Variants in SNTG2 observed in about 807,000 individuals in gnomAD.
SNTG2 encodes the protein gamma-2-syntrophin.
SNTG2 carries 74 observed loss-of-function variants against 70.9 expected under a neutral mutation model. That is an observed-to-expected ratio of 1.04 (90% CI 0.86 to 1.27). The LOEUF (loss-of-function observed/expected upper bound fraction) is 1.27. SNTG2 is among the 50% of genes most tolerant of loss of function. SNTG2 has a pLI of 0.00. For missense variants in SNTG2, 717 were observed against 690.7 expected (o/e 1.04, Z -0.43); for synonymous variants, 278 against 273.8 (o/e 1.02, Z -0.15).
chr2:1,253,715 T>A (rs555345556), intron 12 of SNTG2, among the ~76,000 whole-genome samples: 9 of 152,218 alleles, frequency 5.9e-5, no homozygotes, highest in Admixed American at 4.6e-4. Context: ...CTGGGTAGTT[T>A]ATAAAGAAAA....
At chr2:1,101,824 G>A (rs1256079431) in intron 4 of SNTG2, among the ~76,000 whole-genome samples, 1 of 152,140 alleles carries the variant, frequency 6.6e-6, no homozygotes, top group Non-Finnish European at 1.5e-5. Flanking sequence ...TTATCCCCAG[G>A]TGATGAGAGG....
chr2:1,104,430 T>C (rs951980060), intron 4 of SNTG2, among the ~76,000 whole-genome samples: 11 of 152,218 alleles, frequency 7.2e-5, no homozygotes, highest in Admixed American at 2.0e-4. Context: ...GATACGAGAT[T>C]TGATTAATTC....
chr2:1,185,596 A>C (rs1672196253), intron 8 of SNTG2, among the ~76,000 whole-genome samples: 1 of 152,198 alleles, frequency 6.6e-6, no homozygotes, highest in Admixed American at 6.5e-5. Flanking sequence ...GGAAGTCACC[A>C]AGGATTACAA....
At chr2:1,172,954 G>T (rs974359007) in intron 7 of SNTG2, 138 bp from the exon 8 acceptor site, 2 of 714,656 alleles carry the variant, frequency 2.8e-6, no homozygotes, top group African/African-American at 1.8e-5. Flanking sequence ...CATTGGGGAT[G>T]ACCCAGCCCA....
intron 1 of SNTG2, among the ~76,000 whole-genome samples, chr2:1,005,029 A>G (rs1659523437): frequency 1.3e-5 from 2 of 152,182 alleles, no homozygotes; most frequent in Admixed American, 1.3e-4. Flanking sequence ...CTATCAAGCC[A>G]CAAAAAAATG....
intron 1 of SNTG2, among the ~76,000 whole-genome samples, chr2:1,062,519 G>T (rs1009101449): frequency 3.3e-5 from 5 of 152,174 alleles, no homozygotes; most frequent in Non-Finnish European, 5.9e-5. Context: ...TGGGAAAAAT[G>T]AAGTGGGGTT....
At chr2:1,318,859 G>A (rs536294830) in intron 16 of SNTG2, among the ~76,000 whole-genome samples, 9 of 152,160 alleles carry the variant, frequency 5.9e-5, no homozygotes, top group Non-Finnish European at 1.0e-4. Context: ...GGAGGTCTAC[G>A]GTGGCCATGA....
intron 1 of SNTG2, among the ~76,000 whole-genome samples, chr2:1,051,094 T>C (rs1662032030): frequency 6.7e-6 from 1 of 150,160 alleles, no homozygotes; most frequent in South Asian, 2.1e-4. Flanking sequence ...CTCAATAATA[T>C]CATCTATGAA....
At chr2:989,281 G>C (rs894538301) in intron 1 of SNTG2, among the ~76,000 whole-genome samples, 1 of 152,172 alleles carries the variant, frequency 6.6e-6, no homozygotes, top group African/African-American at 2.4e-5. Context: ...AGACAAGAGA[G>C]GGGAGTATCC....
chr2:1,089,138 G>A (rs1003589142), intron 2 of SNTG2, among the ~76,000 whole-genome samples: 16 of 152,168 alleles, frequency 1.1e-4, no homozygotes, highest in African/African-American at 2.4e-4. Context: ...AAATGCAGTC[G>A]TCAGCAAAAC....
chr2:1,257,264 A>G (rs1678172538), intron 12 of SNTG2, among the ~76,000 whole-genome samples: 1 of 152,128 alleles, frequency 6.6e-6, no homozygotes. Context: ...CGATCGAGGC[A>G]CATTCTCTTC....
intron 1 of SNTG2, among the ~76,000 whole-genome samples, chr2:1,030,420 C>T (rs1572255515): frequency 6.6e-6 from 1 of 152,196 alleles, no homozygotes; most frequent in Non-Finnish European, 1.5e-5. Flanking sequence ...CACAGAGACA[C>T]TTGGCCTGTG....
At chr2:1,152,591 C>T (rs1669584552) in intron 6 of SNTG2, among the ~76,000 whole-genome samples, 1 of 127,620 alleles carries the variant, frequency 7.8e-6, no homozygotes. Flanking sequence ...TGTGTGTGCA[C>T]ATGTGCATGT....
intron 14 of SNTG2, among the ~76,000 whole-genome samples, chr2:1,274,820 G>A (rs963742404): frequency 9.2e-5 from 14 of 152,212 alleles, no homozygotes; most frequent in Admixed American, 2.0e-4. Flanking sequence ...CTGCACAAAG[G>A]CTCAGTGGGA....
intron 8 of SNTG2, among the ~76,000 whole-genome samples, chr2:1,191,503 T>G (rs995056322): frequency 1.3e-5 from 2 of 152,084 alleles, no homozygotes; most frequent in African/African-American, 4.8e-5. Context: ...ATTAGAAATG[T>G]TCTAATTTGT....
chr2:973,826 A>G (rs1660824579), intron 1 of SNTG2, among the ~76,000 whole-genome samples: 1 of 152,140 alleles, frequency 6.6e-6, no homozygotes, highest in African/African-American at 2.4e-5. Context: ...GAAGGGATTC[A>G]TGCTGATGCT....
intron 9 of SNTG2, chr2:1,210,671 C>G (rs1673981276): frequency 6.6e-6 from 1 of 152,216 alleles, no homozygotes. Context: ...CCTGAAGGCT[C>G]TATTCATGGT....
chr2:1,284,752 CATATT>C (rs1267253557), intron 14 of SNTG2, among the ~76,000 whole-genome samples: 3 of 152,116 alleles, frequency 2.0e-5, no homozygotes, highest in Admixed American at 6.5e-5. Context: ...ATACTGGAAC[CATATT>C]ATATTTCTAA....
At position 1,134,993 on chromosome 2, in the gene SNTG2, C is replaced by G. The variant is rs568504954; in HGVS notation, c.326-2629C>G. 6.6e-5 allele frequency among the ~76,000 whole-genome samples: 10 copies of G among 152,326 alleles called. No homozygotes were observed. The East Asian group carries it at 1.9e-3, about 30-fold the overall frequency. On this transcript the variant is annotated intron_variant, in intron 4 of 16. Coordinates refer to ENST00000308624, the MANE Select transcript of SNTG2 (RefSeq NM_018968.4). ...GCTAAGCCCCTCATTGAGACAGACG[C>G]TGGGCTGCAATTCATCGTCATCTCA... is the stretch of plus-strand genomic sequence containing the variant.
Sources: allele counts gnomAD v4.1 joint callset (sites outside exome capture counted in the v4.1 genomes callset), GRCh38; gene constraint gnomAD v4.1.1; transcripts MANE v1.5; gene names NCBI Gene and HGNC (gene_info 2026-07-23, HGNC 2026-07-21).